The following MEIS1 variants were observed in gnomAD, a reference collection of about 807,000 sequenced individuals.
MEIS1 encodes the protein Meis homeobox 1.
MEIS1 carries 5 observed loss-of-function variants against 50.8 expected under a neutral mutation model. The observed-to-expected ratio is 0.10, with a 90% CI of 0.05 to 0.21. The LOEUF is 0.21. Among genes scored for constraint, MEIS1 ranks in the 10% least tolerant of loss-of-function variants. The probability of loss-of-function intolerance (pLI) is 1.00; values close to 1 mark genes in which losing one functional copy is unlikely to be tolerated. For synonymous variants in MEIS1, 176 were observed against 179.3 expected (o/e 0.98, Z 0.15); for missense variants, 318 against 517.3 (o/e 0.61, Z 3.74).
At chr2:66,506,490 G>T (rs1673688178) in intron 7 of MEIS1, among the ~76,000 whole-genome samples, 1 of 152,138 alleles carries the variant, frequency 6.6e-6, no homozygotes, top group South Asian at 2.1e-4. Flanking sequence ...TGCGTATGGG[G>T]ACTTGGCAAA....
chr2:66,459,773 G>T (rs1672477234), intron 6 of MEIS1, among the ~76,000 whole-genome samples: 1 of 152,142 alleles, frequency 6.6e-6, no homozygotes, highest in African/African-American at 2.4e-5. Context: ...CTAGGACACG[G>T]AATAAAAAGG....
chr2:66,571,300 G>C lies in MEIS1; in HGVS notation c.*92G>C. 4 of 1,598,246 alleles carry C rather than the reference G, an allele frequency of 2.5e-6. No individual in the cohort carries two copies. The highest frequency in any genetic ancestry group is 3.4e-6 in the Non-Finnish European group (4 of 1,172,314). ...GCCCGGGGTGGTCCAATGGGTGTGA[G>C]TATGGGACAGCCAAGTTATACCCAA... is the stretch of plus-strand genomic sequence containing the variant. On this transcript the variant is annotated 3_prime_UTR_variant, in exon 13 of 13. Coordinates refer to ENST00000272369, the MANE Select transcript of MEIS1 (RefSeq NM_002398.3).
At position 66,473,154 on chromosome 2, in the gene MEIS1, G is replaced by A. The variant is rs531207231; in HGVS notation, c.742+8934G>A. 1.2e-4 allele frequency among the ~76,000 whole-genome samples: 18 copies of A among 151,562 alleles called. No homozygotes were observed. In the South Asian group the frequency reaches 1.9e-3, roughly 16 times the overall value. ...AGCACTTTGGGACGCCAAGGTGGGC[G>A]GATCACCTGAGGTCAGGAGTTCAAA... On this transcript the variant is annotated intron_variant, in intron 7 of 12. Transcript: ENST00000272369.
chr2:66,487,289 A>G (rs1399519211), intron 7 of MEIS1, among the ~76,000 whole-genome samples: 1 of 152,212 alleles, frequency 6.6e-6, no homozygotes, highest in Non-Finnish European at 1.5e-5. Flanking sequence ...AAGTTGTACA[A>G]TAAACACCTG....
At chr2:66,497,700 G>A (rs997970153) in intron 7 of MEIS1, among the ~76,000 whole-genome samples, 1 of 152,138 alleles carries the variant, frequency 6.6e-6, no homozygotes, top group African/African-American at 2.4e-5. Flanking sequence ...TTCGAGAGCA[G>A]CCCAGGCAAC....
chr2:66,441,427 T>C lies in MEIS1; in HGVS notation c.446T>C (p.Ile149Thr). The C allele has an allele frequency of 6.5e-7, 1 of 1,547,712 alleles. No individual in the cohort carries two copies. The highest frequency in any genetic ancestry group is 1.3e-5 in the South Asian group (1 of 79,480). The change falls in exon 5 of 13, where the codon ATA becomes ACA. Residue 149 changes from isoleucine to threonine, a missense_variant. Ile to Thr is a moderately conservative substitution (Grantham distance 89, BLOSUM62 -1). This residue lies in a region of MEIS1 where 75 missense variants were observed against 153.7 expected (regional missense o/e 0.49). Transcript: ENST00000272369. ...PELDNLMIQA[I>T]QVLRFHLLEL... The stretch of plus-strand genomic sequence containing the variant: ...GTATCTTTGCAGATGATTCAAGCCA[T>C]ACAAGTATTAAGGTTTCATCTATTG...
At chr2:66,498,813 TGGCAGTGTGGCCTC>T (rs1673476593) in intron 7 of MEIS1, among the ~76,000 whole-genome samples, 1 of 152,316 alleles carries the variant, frequency 6.6e-6, no homozygotes, top group Admixed American at 6.5e-5. Flanking sequence ...GTCCTTGGAC[TGGCAGTGTGGCCTC>T]GGCAGTCCCT....
chr2:66,512,410 T>C, intron 8 of MEIS1, 116 bp downstream of exon 8: 1 of 1,222,096 alleles, frequency 8.2e-7, no homozygotes, highest in African/African-American at 1.6e-5. Flanking sequence ...TAAATAACTG[T>C]GTTCCCACAG....
At chr2:66,481,763 C>T (rs763777514) in intron 7 of MEIS1, among the ~76,000 whole-genome samples, 6 of 151,004 alleles carry the variant, frequency 4.0e-5, no homozygotes, top group Non-Finnish European at 5.9e-5. Context: ...CTGAAGTTGG[C>T]GCTGACAATT....
At position 66,439,866 on chromosome 2, in the gene MEIS1, C is replaced by T; in HGVS notation, c.263C>T (p.Ala88Val). ...AGACACCCCCTCTTCCCTCTCTTAG[C>T]ACTGATTTTTGAGAAATGTGAATTA... ...IYGHPLFPLL[A>V]LIFEKCELAT... The change falls in exon 3 of 13, where the codon GCA (alanine) becomes GTA (valine). Residue 88 changes from alanine to valine, a missense_variant. By Grantham distance (64) the Ala-to-Val change is moderately conservative. Around this residue, in one of 6 missense-constraint regions of MEIS1, gnomAD observed 75 missense variants for 153.7 expected, o/e 0.49. Coordinates refer to ENST00000272369, the MANE Select transcript of MEIS1 (RefSeq NM_002398.3). 6.2e-7 allele frequency: 1 copy of T among 1,613,670 alleles called. No homozygotes were observed. The highest frequency in any genetic ancestry group is 1.3e-5 in the African/African-American group (1 of 74,942).
intron 7 of MEIS1, among the ~76,000 whole-genome samples, chr2:66,481,275 G>A (rs1673009339): frequency 6.6e-6 from 1 of 152,226 alleles, no homozygotes; most frequent in South Asian, 2.1e-4. Context: ...CTGGTGCTAG[G>A]AAAGACTTCT....
intron 1 of MEIS1, among the ~76,000 whole-genome samples, chr2:66,436,414 A>C (rs553033465): frequency 1.3e-5 from 2 of 152,230 alleles, no homozygotes; most frequent in African/African-American, 4.8e-5. Context: ...TCTCTTAGAT[A>C]AGCCCTCTAC....
chr2:66,563,793 C>T (rs1363726918), intron 9 of MEIS1, among the ~76,000 whole-genome samples: 1 of 152,114 alleles, frequency 6.6e-6, no homozygotes, highest in Non-Finnish European at 1.5e-5. Context: ...TATCTGAATT[C>T]ACCCTGAAGC....
chr2:66,499,358 T>G (rs192855587), intron 7 of MEIS1, among the ~76,000 whole-genome samples: 21 of 152,144 alleles, frequency 1.4e-4, no homozygotes, highest in African/African-American at 4.8e-4. Flanking sequence ...CTGGACAGAA[T>G]AGCATCTCTT....
chr2:66,491,449 T>G (rs1673270187), intron 7 of MEIS1, among the ~76,000 whole-genome samples: 1 of 152,258 alleles, frequency 6.6e-6, no homozygotes, highest in Non-Finnish European at 1.5e-5. Context: ...TATCCATTCC[T>G]ATAGAAAATA....
chr2:66,493,108 T>G (rs1673313178), intron 7 of MEIS1, among the ~76,000 whole-genome samples: 1 of 152,208 alleles, frequency 6.6e-6, no homozygotes, highest in African/African-American at 2.4e-5. Context: ...CCCATGATAT[T>G]CAAACTTTAA....
At chr2:66,448,933 A>G (rs749279642) in intron 6 of MEIS1, among the ~76,000 whole-genome samples, 2 of 152,136 alleles carry the variant, frequency 1.3e-5, no homozygotes, top group Non-Finnish European at 2.9e-5. Context: ...AAATGTTTGC[A>G]ACTGTAGCAT....
intron 7 of MEIS1, among the ~76,000 whole-genome samples, chr2:66,479,954 G>A (rs575546687): frequency 1.3e-5 from 2 of 152,260 alleles, no homozygotes; most frequent in African/African-American, 4.8e-5. Context: ...CTCTTAAAAT[G>A]TTGTTTTGAT....
chr2:66,442,870 A>T, intron 5 of MEIS1, 32 bp from the exon 6 acceptor site: 1 of 1,563,254 alleles, frequency 6.4e-7, no homozygotes, highest in Non-Finnish European at 8.6e-7. Flanking sequence ...TCCTGATTAT[A>T]TTCCCATTTT....
Sources: allele counts gnomAD v4.1 joint callset (sites outside exome capture counted in the v4.1 genomes callset), GRCh38; gene constraint gnomAD v4.1.1; regional missense constraint gnomAD v4.1.1; transcripts MANE v1.5; gene names NCBI Gene and HGNC (gene_info 2026-07-23, HGNC 2026-07-21).